Variants in PDK3 observed in about 807,000 individuals in gnomAD.
PDK3 encodes pyruvate dehydrogenase kinase 3.
A neutral mutation model predicts 32.0 loss-of-function variants in PDK3; 12 were observed. The ratio of observed to expected loss-of-function variants is 0.37; its 90% confidence interval spans 0.24 to 0.61. PDK3 has a LOEUF of 0.61. Among genes scored for constraint, PDK3 ranks in the 20% least tolerant of loss-of-function variants. PDK3 has a pLI of 0.65. For synonymous variants in PDK3, 122 were observed against 116.3 expected, an observed-to-expected ratio of 1.05 and a Z score of -0.31; for missense variants, 188 against 316.9, an observed-to-expected ratio of 0.59 and a Z score of 3.09.
In PDK3 at chrX:24,465,525, C is replaced by T; in HGVS notation, c.70C>T (p.Pro24Ser). Reference sequence around the variant, plus strand: ...GATCGAGCGCTACTCGCGCTTTTCGCCGTCGCCGCTCTCCATCAAACAATT... The same window carrying T: ...GATCGAGCGCTACTCGCGCTTTTCGTCGTCGCCGCTCTCCATCAAACAATT... The part of the protein sequence containing the change: ...KQIERYSRFS[P>S]SPLSIKQFLD... The change falls in exon 1 of 11, where the codon CCG (proline) becomes TCG (serine). Residue 24 changes from proline (P) to serine (S), a missense_variant. Pro to Ser is a moderately conservative substitution (Grantham distance 74, BLOSUM62 -1). Coordinates refer to ENST00000379162, the MANE Select transcript of PDK3 (RefSeq NM_005391.5). 8.3e-7 allele frequency: 1 copy of T among 1,208,713 alleles called. No homozygotes were observed. Among genetic ancestry groups the T allele is most frequent in the Non-Finnish European group, 1.1e-6 (1 of 892,663 alleles).
chrX:24,531,631 C>T, intron 9 of PDK3, 26 bp from the exon 10 acceptor site: 3 of 853,120 alleles, frequency 3.5e-6, no homozygotes, highest in Non-Finnish European at 3.5e-6. Flanking sequence ...GCCTGTCTCA[C>T]TGTATTAATT....
At chrX:24,522,363 A>G (rs926379442) in intron 6 of PDK3, among the ~76,000 whole-genome samples, 4 of 111,942 alleles carry the variant, frequency 3.6e-5, no homozygotes, top group African/African-American at 6.5e-5. Flanking sequence ...AAAAGGAAGG[A>G]AAGAAATCTA....
intron 1 of PDK3, among the ~76,000 whole-genome samples, chrX:24,491,368 G>A (rs1229046767): frequency 9.0e-6 from 1 of 111,059 alleles, no homozygotes; most frequent in Non-Finnish European, 1.9e-5. Flanking sequence ...GACCACTACA[G>A]TGGGAGTTTT....
chrX:24,528,514 C>T (rs991529127), intron 9 of PDK3, among the ~76,000 whole-genome samples: 5 of 112,279 alleles, frequency 4.5e-5, no homozygotes, highest in African/African-American at 1.6e-4. Context: ...GTGGAAGTTG[C>T]CAGTGGGTGA....
chrX:24,500,039 G>A (rs187834217), intron 3 of PDK3, among the ~76,000 whole-genome samples: 48 of 111,387 alleles, frequency 4.3e-4, no homozygotes, highest in African/African-American at 1.4e-3. Context: ...GCTGGTAACC[G>A]TTTGGCAGAA....
intron 1 of PDK3, among the ~76,000 whole-genome samples, chrX:24,494,489 A>T (rs1921651305): frequency 1.8e-5 from 2 of 112,222 alleles, no homozygotes; most frequent in African/African-American, 6.5e-5. Context: ...TGCCGCTGGT[A>T]ACACTAGGAA....
intron 2 of PDK3, among the ~76,000 whole-genome samples, chrX:24,497,506 G>A (rs1921746737): frequency 2.7e-5 from 3 of 111,877 alleles, no homozygotes; most frequent in African/African-American, 6.5e-5. Context: ...GGCTGGTCTT[G>A]AACTCCTGGC....
intron 1 of PDK3, among the ~76,000 whole-genome samples, chrX:24,492,784 G>A (rs965853881): frequency 3.6e-5 from 4 of 110,060 alleles, no homozygotes; most frequent in Non-Finnish European, 5.7e-5. Context: ...GGTGGATCAC[G>A]AGTCAGGAGA....
intron 5 of PDK3, among the ~76,000 whole-genome samples, chrX:24,507,652 A>C (rs1477278820): frequency 8.9e-6 from 1 of 112,355 alleles, no homozygotes; most frequent in Admixed American, 9.4e-5. Context: ...ATTATATAAT[A>C]GGTTGGTGCC....
At chrX:24,473,190 G>A (rs987984086) in intron 1 of PDK3, among the ~76,000 whole-genome samples, 27 of 105,742 alleles carry the variant, frequency 2.6e-4, no homozygotes, top group African/African-American at 7.9e-4. Flanking sequence ...CCTGGCCAAC[G>A]TGGTGAAACC....
intron 3 of PDK3, among the ~76,000 whole-genome samples, chrX:24,500,720 GT>G (rs1160621467): frequency 8.9e-6 from 1 of 111,981 alleles, no homozygotes; most frequent in Non-Finnish European, 1.9e-5. Context: ...AGCCTTTTCT[GT>G]TTACCAAGAG....
intron 5 of PDK3, among the ~76,000 whole-genome samples, chrX:24,505,631 A>G (rs1184314959): frequency 8.9e-6 from 1 of 112,339 alleles, no homozygotes; most frequent in Non-Finnish European, 1.9e-5. Context: ...CCAAATTCTT[A>G]TCATAAAATT....
rs192930500 is a variant in PDK3 at position 24,473,295 on chromosome X, A to C, written c.106+7734A>C. Among the ~76,000 whole-genome samples the C allele has an allele frequency of 9.0e-3, 961 of 106,394 alleles. 7 individuals carry two copies. Among genetic ancestry groups the C allele is most frequent in the Middle Eastern group, 0.024 (5 of 207 alleles). 92.4% of individuals were successfully genotyped at this position (106,394 alleles called of 115,157 possible). ...AGGCTGAGGCAGGAGAATTACTTGAACCTGGGAGGTGGAGGTTGCAGTGGG... is the reference window on the plus strand; with the variant it reads ...AGGCTGAGGCAGGAGAATTACTTGACCCTGGGAGGTGGAGGTTGCAGTGGG... On this transcript the variant is annotated intron_variant, in intron 1 of 10. Coordinates refer to ENST00000379162, the MANE Select transcript of PDK3 (RefSeq NM_005391.5).
intron 1 of PDK3, among the ~76,000 whole-genome samples, chrX:24,487,400 G>T (rs754425901): frequency 1.8e-5 from 2 of 111,704 alleles, no homozygotes; most frequent in East Asian, 5.6e-4. Flanking sequence ...AAGTGGGCGC[G>T]GGTTGAAAAA....
chrX:24,488,621 G>A (rs1325660591), intron 1 of PDK3, among the ~76,000 whole-genome samples: 3 of 111,564 alleles, frequency 2.7e-5, no homozygotes, highest in African/African-American at 9.8e-5. Context: ...CTCAGGAGGT[G>A]GAGGTTGCCG....
chrX:24,494,501 G>A (rs1476974381), intron 1 of PDK3, among the ~76,000 whole-genome samples: 5 of 111,644 alleles, frequency 4.5e-5, no homozygotes, highest in Non-Finnish European at 9.4e-5. Context: ...CACTAGGAAC[G>A]TTTTTGTGTT....
In PDK3 at chrX:24,523,504, TG is replaced by T. The variant is rs1239791920; in HGVS notation, c.674-2689del. Among the ~76,000 whole-genome samples the T allele has an allele frequency of 5.3e-5, 6 of 112,194 alleles. No homozygotes were observed. The East Asian group carries it at 1.7e-3, about 32-fold the overall frequency. On this transcript the variant is annotated intron_variant, in intron 6 of 10. Transcript: ENST00000379162. The stretch of plus-strand genomic sequence containing the variant: ...GCCGAAGATTGTCCTGGAGGGACTC[TG>T]GGGGCAGGGCCAGGTGGTGCAATGG...
intron 1 of PDK3, among the ~76,000 whole-genome samples, chrX:24,477,505 A>G (rs1432557914): frequency 1.8e-5 from 2 of 111,764 alleles, no homozygotes; most frequent in Non-Finnish European, 3.8e-5. Flanking sequence ...TGGGTAATTC[A>G]TCTGTTTTTT....
chrX:24,529,260 A>T (rs1270892583), intron 9 of PDK3, among the ~76,000 whole-genome samples: 1 of 112,040 alleles, frequency 8.9e-6, no homozygotes, highest in African/African-American at 3.2e-5. Flanking sequence ...CATCTTGAGG[A>T]TAGCTGTTAT....
Sources: gnomAD v4.1 joint callset for allele counts (sites outside exome capture counted in the v4.1 genomes callset) on GRCh38, gnomAD v4.1.1 for gene constraint, MANE v1.5 for transcripts, NCBI Gene and HGNC (gene_info 2026-07-23, HGNC 2026-07-21) for gene names.